The following MECOM variants were observed in gnomAD, a reference collection of about 807,000 sequenced individuals.
MECOM encodes MDS1 and EVI1 complex locus.
A neutral mutation model predicts 116.3 loss-of-function variants in MECOM; 13 were observed. The observed-to-expected ratio is 0.11, with a 90% CI of 0.07 to 0.18. The LOEUF is 0.18. Ranked by LOEUF, MECOM falls within the 10% of genes least tolerant of loss-of-function variation. The pLI is 1.00. For missense variants in MECOM, 1,299 were observed against 1,509.0 expected (o/e 0.86, Z 2.31); for synonymous variants, 528 against 535.2 (o/e 0.99, Z 0.19).
At chr3:169,200,043 G>A (rs1212650327) in intron 2 of MECOM, among the ~76,000 whole-genome samples, 8 of 152,064 alleles carry the variant, frequency 5.3e-5, no homozygotes, top group Admixed American at 5.2e-4. Context: ...AATGCAAAGA[G>A]TTAAGTAGAT....
intron 2 of MECOM, among the ~76,000 whole-genome samples, chr3:169,369,330 C>CTTGAT (rs1286992074): frequency 3.6e-5 from 5 of 140,226 alleles, no homozygotes; most frequent in African/African-American, 1.3e-4. Context: ...TGTCTATAAA[C>CTTGAT]TTGATTGCAG....
intron 13 of MECOM, among the ~76,000 whole-genome samples, chr3:169,094,654 T>C (rs1720931645): frequency 6.6e-6 from 1 of 152,222 alleles, no homozygotes. Flanking sequence ...GCAGGCCTTT[T>C]ACAAAAGCAG....
chr3:169,539,284 C>T (rs1262452251), intron 1 of MECOM, among the ~76,000 whole-genome samples: 2 of 152,108 alleles, frequency 1.3e-5, no homozygotes, highest in Non-Finnish European at 2.9e-5. Flanking sequence ...GCCTGTGTAT[C>T]CTCAAAAGAT....
chr3:169,659,281 A>G (rs1218323841), intron 1 of MECOM, among the ~76,000 whole-genome samples: 1 of 151,660 alleles, frequency 6.6e-6, no homozygotes, highest in Non-Finnish European at 1.5e-5. Context: ...ACTCACATGC[A>G]CTCTATAGCC....
chr3:169,461,919 C>G (rs563757052), intron 1 of MECOM, among the ~76,000 whole-genome samples: 84 of 152,176 alleles, frequency 5.5e-4, no homozygotes, highest in African/African-American at 1.9e-3. Context: ...CATTTAGTCA[C>G]CAAAAAATAA....
At chr3:169,635,680 T>C (rs1772651869) in intron 1 of MECOM, among the ~76,000 whole-genome samples, 2 of 152,264 alleles carry the variant, frequency 1.3e-5, no homozygotes, top group Admixed American at 1.3e-4. Context: ...AGGATGTGGC[T>C]GCATGTACTC....
At chr3:169,202,380 T>A (rs1273228358) in intron 2 of MECOM, among the ~76,000 whole-genome samples, 1 of 152,126 alleles carries the variant, frequency 6.6e-6, no homozygotes, top group Admixed American at 6.6e-5. Flanking sequence ...TGGGTGGCAA[T>A]CACCAAATTA....
rs186534746 is a variant in MECOM, at chr3:169,512,417, G to A, written c.38-130893C>T. Reference sequence around the variant, plus strand: ...CTCTTTCTTCCTCATCTCTGTGAGAGGCATCTATAGCACAATGTTAACTCA... The same window carrying A: ...CTCTTTCTTCCTCATCTCTGTGAGAAGCATCTATAGCACAATGTTAACTCA... On this transcript the variant is annotated intron_variant, in intron 1 of 16. Transcript: ENST00000651503. Among the ~76,000 whole-genome samples, 69 of 152,260 alleles carry A rather than the reference G, an allele frequency of 4.5e-4. No homozygotes were observed. In the East Asian group the frequency reaches 0.012, roughly 27 times the overall value.
intron 10 of MECOM, 25 bp from the exon 11 acceptor site, chr3:169,102,251 T>C (rs780563696): frequency 1.9e-6 from 3 of 1,589,896 alleles, no homozygotes; most frequent in South Asian, 2.3e-5. Flanking sequence ...CACAAGACCA[T>C]GAAGCGTTTG....
At chr3:169,413,296 G>T (rs781453071) in intron 1 of MECOM, among the ~76,000 whole-genome samples, 2 of 152,140 alleles carry the variant, frequency 1.3e-5, no homozygotes, top group Admixed American at 1.3e-4. Flanking sequence ...ATGAGGGACC[G>T]TGCCATGAGG....
chr3:169,607,403 A>G (rs967948349), intron 1 of MECOM, among the ~76,000 whole-genome samples: 4 of 152,242 alleles, frequency 2.6e-5, no homozygotes, highest in African/African-American at 4.8e-5. Flanking sequence ...TAAGAAAAAA[A>G]GTCAGAAACT....
intron 2 of MECOM, among the ~76,000 whole-genome samples, chr3:169,308,360 G>A (rs778036635): frequency 7.9e-5 from 12 of 152,162 alleles, no homozygotes; most frequent in Non-Finnish European, 1.6e-4. Flanking sequence ...CAGATACAGT[G>A]AGACATATTA....
Position 169,169,340 on chromosome 3 carries a change from C to T in MECOM, c.376-25508G>A, listed in dbSNP as rs529000276. Reference sequence around the variant, plus strand: ...AAACTATGATAAGAAAATCAGTCTTCGCAGTTATCAAAATAAGTTAAATTA... The same window carrying T: ...AAACTATGATAAGAAAATCAGTCTTTGCAGTTATCAAAATAAGTTAAATTA... On this transcript the variant is annotated intron_variant, in intron 2 of 16. Transcript: ENST00000651503. 8.1e-4 allele frequency among the ~76,000 whole-genome samples: 124 copies of T among 152,180 alleles called. 1 individual carries two copies. The highest frequency in any genetic ancestry group is 2.8e-3 in the African/African-American group (116 of 41,540).
chr3:169,356,113 T>A (rs1727235683), intron 2 of MECOM, among the ~76,000 whole-genome samples: 1 of 151,854 alleles, frequency 6.6e-6, no homozygotes, highest in African/African-American at 2.4e-5. Context: ...GACTCCTAAT[T>A]TAAATGAAGA....
chr3:169,123,826 T>C (rs1026255962), intron 5 of MECOM, among the ~76,000 whole-genome samples: 4 of 152,016 alleles, frequency 2.6e-5, no homozygotes, highest in African/African-American at 9.7e-5. Flanking sequence ...AAGTGAAGCA[T>C]CAATAAGAAC....
chr3:169,584,480 G>T (rs1419550188), intron 1 of MECOM, among the ~76,000 whole-genome samples: 1 of 151,610 alleles, frequency 6.6e-6, no homozygotes, highest in African/African-American at 2.4e-5. Flanking sequence ...CAGGAGAATG[G>T]CGTGAACCCA....
chr3:169,585,223 A>G (rs1218625762), intron 1 of MECOM, among the ~76,000 whole-genome samples: 1 of 152,198 alleles, frequency 6.6e-6, no homozygotes, highest in African/African-American at 2.4e-5. Context: ...CTGAATCATT[A>G]CCAAATGTAT....
chr3:169,186,576 T>G (rs1310314422), intron 2 of MECOM, among the ~76,000 whole-genome samples: 4 of 152,198 alleles, frequency 2.6e-5, no homozygotes, highest in Non-Finnish European at 5.9e-5. Context: ...AATCTAGCAT[T>G]TATTTGCATG....
chr3:169,650,634 C>T (rs1774775106), intron 1 of MECOM, among the ~76,000 whole-genome samples: 2 of 152,050 alleles, frequency 1.3e-5, no homozygotes. Context: ...CTTGATCCTC[C>T]AGAAGCCAAA....
Sources: allele counts gnomAD v4.1 joint callset (sites outside exome capture counted in the v4.1 genomes callset), GRCh38; gene constraint gnomAD v4.1.1; transcripts MANE v1.5; gene names NCBI Gene and HGNC (gene_info 2026-07-23, HGNC 2026-07-21).